Variants in SELENOF observed in about 807,000 individuals in gnomAD.
SELENOF encodes selenoprotein F.
SELENOF carries 16 observed loss-of-function variants against 20.5 expected under a neutral mutation model. The observed-to-expected ratio is 0.78, with a 90% confidence interval of 0.53 to 1.19. SELENOF has a LOEUF of 1.19. Ranked by LOEUF, SELENOF falls within the 50% of genes most tolerant of loss-of-function variation. The probability of loss-of-function intolerance (pLI) is 0.00; values close to 1 mark genes in which losing one functional copy is unlikely to be tolerated. For synonymous variants in SELENOF, 78 were observed against 74.5 expected, an observed-to-expected ratio of 1.05 and a Z score of -0.24; for missense variants, 215 against 194.2, an observed-to-expected ratio of 1.11 and a Z score of -0.64.
intron 2 of SELENOF, among the ~76,000 whole-genome samples, chr1:86,901,720 T>C (rs1455976213): frequency 6.6e-6 from 1 of 152,222 alleles, no homozygotes; most frequent in South Asian, 2.1e-4. Context: ...ATATAATTAA[T>C]TTTAGAGGTT....
rs1300823578 is a variant in SELENOF at position 86,903,178 on chromosome 1, A to T, written c.252+103T>A. ...CAGTTGAGTTTTACTAAAAAATGTA[A>T]AAGCTTAGAGGCTTTTTTACACTTA... On this transcript the variant is annotated intron_variant, in intron 2 of 4. Coordinates refer to ENST00000331835, the MANE Select transcript of SELENOF (RefSeq NM_004261.5). The T allele has an allele frequency of 2.9e-6, 3 of 1,035,044 alleles. No homozygotes were observed. In the African/African-American group the frequency reaches 5.1e-5, roughly 17 times the overall value. 64.1% of individuals were successfully genotyped at this position (1,035,044 alleles called of 1,614,324 possible).
At chr1:86,888,477 G>A (rs1659285859) in intron 2 of SELENOF, among the ~76,000 whole-genome samples, 1 of 152,096 alleles carries the variant, frequency 6.6e-6, no homozygotes, top group African/African-American at 2.4e-5. Context: ...GTCTTGCTAT[G>A]TTGCCCAGGT....
At chr1:86,903,635 G>A (rs1031053329) in intron 1 of SELENOF, among the ~76,000 whole-genome samples, 187 bp from the exon 2 acceptor site, 1 of 151,754 alleles carries the variant, frequency 6.6e-6, no homozygotes, top group Admixed American at 6.6e-5. Context: ...TCTTGCTGTC[G>A]CCAGGCTGGA....
chr1:86,901,072 T>C (rs1331918724), intron 2 of SELENOF, among the ~76,000 whole-genome samples: 1 of 152,184 alleles, frequency 6.6e-6, no homozygotes, highest in Admixed American at 6.5e-5. Context: ...TTTGTATTTT[T>C]TGTAGAGACG....
intron 2 of SELENOF, among the ~76,000 whole-genome samples, chr1:86,884,962 T>C (rs1659175823): frequency 6.6e-6 from 1 of 152,246 alleles, no homozygotes; most frequent in Non-Finnish European, 1.5e-5. Context: ...TCTAAACTTC[T>C]GATATGGTTC....
rs371203807 is a variant in SELENOF at position 86,894,839 on chromosome 1, AAAC to A, written c.252+8439_252+8441del. ...GTGACAGAGGGAAACCCTATCTCTA[AAAC>A]AACAACAACAACAACAACAACAAAC... is the stretch of plus-strand genomic sequence containing the variant. On this transcript the variant is annotated intron_variant, in intron 2 of 4. Coordinates refer to ENST00000331835, the MANE Select transcript of SELENOF (RefSeq NM_004261.5). Among the ~76,000 whole-genome samples, 307 of 151,954 alleles carry A rather than the reference AAAC, an allele frequency of 2.0e-3. 1 individual carries two copies. Among genetic ancestry groups the A allele is most frequent in the African/African-American group, 6.2e-3 (255 of 41,418 alleles).
chr1:86,907,932 G>A (rs112138575), intron 1 of SELENOF, among the ~76,000 whole-genome samples: 3,809 of 151,506 alleles, frequency 0.025, 77 homozygotes, highest in African/African-American at 0.055. Context: ...ATTGCAGTAA[G>A]CTGAGATTGC....
chr1:86,907,877 T>C (rs966679919), intron 1 of SELENOF, among the ~76,000 whole-genome samples: 1 of 151,856 alleles, frequency 6.6e-6, no homozygotes, highest in African/African-American at 2.4e-5. Context: ...TCTGAGTTAC[T>C]CAGGAGGCTG....
intron 2 of SELENOF, among the ~76,000 whole-genome samples, chr1:86,884,460 C>G (rs532709627): frequency 6.6e-6 from 1 of 151,408 alleles, no homozygotes; most frequent in Non-Finnish European, 1.5e-5. Flanking sequence ...TTTTTCATGG[C>G]GAATAAATAA....
chr1:86,882,344 G>A (rs1659098639), intron 2 of SELENOF, among the ~76,000 whole-genome samples: 1 of 151,006 alleles, frequency 6.6e-6, no homozygotes, highest in Non-Finnish European at 1.5e-5. Context: ...GCTAATCTTG[G>A]TTAGACAACT....
chr1:86,876,292 C>T (rs952196234), intron 3 of SELENOF, among the ~76,000 whole-genome samples: 6 of 152,096 alleles, frequency 3.9e-5, no homozygotes, highest in Non-Finnish European at 8.8e-5. Flanking sequence ...ATGCTTATGC[C>T]TTTGCCTGAT....
chr1:86,867,731 A>G (rs1337969154), intron 4 of SELENOF, among the ~76,000 whole-genome samples: 2 of 149,008 alleles, frequency 1.3e-5, no homozygotes, highest in African/African-American at 4.9e-5. Flanking sequence ...TTAATATATC[A>G]ATATTGATTC....
At chr1:86,906,202 T>C (rs1476996645) in intron 1 of SELENOF, among the ~76,000 whole-genome samples, 2 of 152,244 alleles carry the variant, frequency 1.3e-5, no homozygotes, top group African/African-American at 4.8e-5. Context: ...AATTTGTGTG[T>C]TTGATCTCTC....
At chr1:86,891,589 T>C (rs1489437953) in intron 2 of SELENOF, among the ~76,000 whole-genome samples, 1 of 152,172 alleles carries the variant, frequency 6.6e-6, no homozygotes, top group South Asian at 2.1e-4. Flanking sequence ...TGATCCTAAT[T>C]TGTAATTATG....
At chr1:86,905,737 T>C (rs1659811831) in intron 1 of SELENOF, among the ~76,000 whole-genome samples, 1 of 152,180 alleles carries the variant, frequency 6.6e-6, no homozygotes, top group Non-Finnish European at 1.5e-5. Context: ...AACTGACTGA[T>C]CTTCTAGACT....
intron 1 of SELENOF, among the ~76,000 whole-genome samples, chr1:86,912,788 A>G (rs1230074593): frequency 1.3e-5 from 2 of 152,174 alleles, no homozygotes; most frequent in East Asian, 1.9e-4. Context: ...GGGAAAACCA[A>G]CATAGGTGGA....
intron 2 of SELENOF, among the ~76,000 whole-genome samples, chr1:86,886,556 A>G (rs1659225667): frequency 6.6e-6 from 1 of 152,128 alleles, no homozygotes; most frequent in South Asian, 2.1e-4. Flanking sequence ...AACAGAAAAA[A>G]ACTAAGATAT....
intron 2 of SELENOF, among the ~76,000 whole-genome samples, chr1:86,883,952 T>G (rs1659143608): frequency 2.0e-5 from 3 of 152,182 alleles, no homozygotes; most frequent in African/African-American, 7.2e-5. Context: ...GCAGCTCAGA[T>G]GTGACCTTTT....
chr1:86,875,644 TAAA>T (rs951371672), intron 3 of SELENOF, among the ~76,000 whole-genome samples: 1 of 152,150 alleles, frequency 6.6e-6, no homozygotes, highest in African/African-American at 2.4e-5. Flanking sequence ...TATCAATGAT[TAAA>T]AAACAAAAAA....
Sources: gnomAD v4.1 joint callset for allele counts (sites outside exome capture counted in the v4.1 genomes callset) on GRCh38, gnomAD v4.1.1 for gene constraint, MANE v1.5 for transcripts, NCBI Gene and HGNC (gene_info 2026-07-23, HGNC 2026-07-21) for gene names.